FAM81A: variants seen among roughly 807,000 people sequenced by gnomAD.
The protein encoded by FAM81A is protein FAM81A.
FAM81A carries 19 observed loss-of-function variants against 46.7 expected under a neutral mutation model. That is an observed-to-expected ratio of 0.41 (90% confidence interval 0.28 to 0.60). FAM81A has a LOEUF of 0.60. Among genes scored for constraint, FAM81A ranks in the 20% least tolerant of loss-of-function variants. The pLI, the probability that FAM81A is intolerant of heterozygous loss-of-function variation, is 0.34. For missense variants in FAM81A, 377 were observed against 453.5 expected, an observed-to-expected ratio of 0.83 and a Z score of 1.53; for synonymous variants, 183 against 152.9, an observed-to-expected ratio of 1.20 and a Z score of -1.45.
At chr15:59,499,336 C>G (rs577090671) in intron 4 of FAM81A, among the ~76,000 whole-genome samples, 26 of 152,246 alleles carry the variant, frequency 1.7e-4, no homozygotes, top group African/African-American at 6.0e-4. Flanking sequence ...GTGCTATTAT[C>G]AAATACGTTA....
Position 59,460,332 on chromosome 15 carries a change from G to A in FAM81A, c.294+126G>A. 2 of 1,285,414 alleles carry A rather than the reference G, an allele frequency of 1.6e-6. No homozygotes were observed. The highest frequency in any genetic ancestry group is 2.3e-6 in the Non-Finnish European group (2 of 888,546). 79.6% of individuals were successfully genotyped at this position (1,285,414 alleles called of 1,614,324 possible). ...CATTTAGAACAAAGCTGTCTGTCTT[G>A]TCTATTCTTAATGATCGCCAAGGAG... On this transcript the variant is annotated intron_variant, in intron 3 of 8. Transcript: ENST00000288228. The surrounding 1 kb of genome is among the most constrained non-coding windows in gnomAD (Gnocchi z 4.4).
At chr15:59,477,778 C>T (rs1171354028) in intron 3 of FAM81A, among the ~76,000 whole-genome samples, 2 of 152,212 alleles carry the variant, frequency 1.3e-5, no homozygotes, top group Non-Finnish European at 2.9e-5. Context: ...AGTGTCAAAA[C>T]AGATGACTCT....
intron 1 of FAM81A, chr15:59,401,739 C>T: frequency 1.3e-6 from 1 of 772,446 alleles, no homozygotes; most frequent in South Asian, 1.3e-5. Context: ...AGCAGATAGG[C>T]AGGTACTGCT....
chr15:59,435,828 T>C (rs534553422), upstream of FAM81A, among the ~76,000 whole-genome samples: 4 of 152,308 alleles, frequency 2.6e-5, no homozygotes, highest in African/African-American at 9.6e-5. Context: ...CAAGAAAATC[T>C]CCATCTCCTG....
chr15:59,398,333 T>C (rs915525088), intron 1 of FAM81A, among the ~76,000 whole-genome samples: 5 of 152,198 alleles, frequency 3.3e-5, no homozygotes, highest in Admixed American at 2.6e-4. Context: ...CTGTGTAAAT[T>C]TGGATTAGGT....
At chr15:59,437,654 G>C (rs1378277314), upstream of FAM81A, among the ~76,000 whole-genome samples, 1 of 152,174 alleles carries the variant, frequency 6.6e-6, no homozygotes, top group Non-Finnish European at 1.5e-5. Flanking sequence ...ACCTGCACAG[G>C]TGGGGCGTCA....
In FAM81A at chr15:59,443,105, T is replaced by C. The variant is rs2081318108; in HGVS notation, c.-78+4823T>C. On this transcript the variant is annotated intron_variant, in intron 1 of 8. Coordinates refer to ENST00000288228, the MANE Select transcript of FAM81A (RefSeq NM_152450.3). ...TTATTGTTTTATTTTGTTTTTGAAATGGAGTCTTGCTCGGTTGCCCAGGGC... is the reference window on the plus strand; with the variant it reads ...TTATTGTTTTATTTTGTTTTTGAAACGGAGTCTTGCTCGGTTGCCCAGGGC... 2.0e-5 allele frequency among the ~76,000 whole-genome samples: 3 copies of C among 152,210 alleles called. No individual in the cohort carries two copies. In the South Asian group the frequency reaches 6.2e-4, roughly 32 times the overall value.
In FAM81A at chr15:59,504,719, T is replaced by C. The variant is rs2082131058; in HGVS notation, c.414-2494T>C. On this transcript the variant is annotated intron_variant, in intron 4 of 8. Transcript: ENST00000288228. ...TGCATGTTAGAAAAAGTCTTTATTT[T>C]GTACTTATTCTTGGATGATAGGTTA... Among the ~76,000 whole-genome samples the C allele has an allele frequency of 2.0e-5, 3 of 152,216 alleles. No individual in the cohort carries two copies. The South Asian group carries it at 6.2e-4, about 31-fold the overall frequency.
At chr15:59,501,885 C>T (rs1348989126) in intron 4 of FAM81A, among the ~76,000 whole-genome samples, 1 of 152,040 alleles carries the variant, frequency 6.6e-6, no homozygotes, top group African/African-American at 2.4e-5. Flanking sequence ...GAGCCATATG[C>T]GCAGTTATAT....
chr15:59,482,938 T>C (rs1234701451), intron 3 of FAM81A, among the ~76,000 whole-genome samples: 2 of 152,190 alleles, frequency 1.3e-5, no homozygotes, highest in Non-Finnish European at 2.9e-5. Context: ...TCACAGGTGA[T>C]TGTAACTAGT....
intron 4 of FAM81A, among the ~76,000 whole-genome samples, chr15:59,506,098 C>T (rs2082146011): frequency 6.6e-6 from 1 of 152,096 alleles, no homozygotes; most frequent in Non-Finnish European, 1.5e-5. Flanking sequence ...CTGACTTTCT[C>T]CCTCAGTCCA....
At chr15:59,415,023 A>C (rs1290117592) in intron 2 of FAM81A, among the ~76,000 whole-genome samples, 3 of 151,536 alleles carry the variant, frequency 2.0e-5, no homozygotes, top group African/African-American at 7.3e-5. Context: ...TCACTGTATT[A>C]GCCAGGATGG....
intron 1 of FAM81A, among the ~76,000 whole-genome samples, chr15:59,449,796 A>C (rs1428744624): frequency 1.3e-5 from 2 of 150,666 alleles, no homozygotes; most frequent in African/African-American, 2.4e-5. Context: ...AAAAAAAAAA[A>C]AAAAAAAAAA....
intron 1 of FAM81A, among the ~76,000 whole-genome samples, chr15:59,455,227 C>A (rs2141626668): frequency 6.6e-6 from 1 of 152,172 alleles, no homozygotes; most frequent in South Asian, 2.1e-4. Context: ...TCTTTCCATT[C>A]TTTTCTTCTT....
chr15:59,498,802 C>T (rs2082060673), intron 4 of FAM81A, among the ~76,000 whole-genome samples: 1 of 152,190 alleles, frequency 6.6e-6, no homozygotes, highest in East Asian at 1.9e-4. Context: ...TTACAGGTGC[C>T]TGCCACCATG....
chr15:59,447,558 T>C (rs918108842), intron 1 of FAM81A, among the ~76,000 whole-genome samples: 5 of 152,236 alleles, frequency 3.3e-5, no homozygotes, highest in Non-Finnish European at 7.3e-5. Context: ...ACTTCCTCAA[T>C]TGGGACAGTG....
chr15:59,472,492 CTT>C (rs1216752852), intron 3 of FAM81A, among the ~76,000 whole-genome samples: 3 of 152,014 alleles, frequency 2.0e-5, no homozygotes, highest in African/African-American at 4.8e-5. Flanking sequence ...AGGAAATACT[CTT>C]TGTGTCTTCT....
intron 2 of FAM81A, among the ~76,000 whole-genome samples, chr15:59,421,959 T>G (rs1264964749): frequency 6.6e-6 from 1 of 152,120 alleles, no homozygotes. Flanking sequence ...TAATTTGATA[T>G]TTTTGACCAG....
Position 59,521,678 on chromosome 15 carries a change from T to C in FAM81A, c.*300T>C. On this transcript the variant is annotated 3_prime_UTR_variant, in exon 9 of 9. Coordinates refer to ENST00000288228, the MANE Select transcript of FAM81A (RefSeq NM_152450.3). ...TTTACGAATGGAAAGACGACAATTT[T>C]TCTTCAATGCTTGATGCACTAATGA... The C allele has an allele frequency of 4.3e-6, 1 of 229,980 alleles. No individual in the cohort carries two copies. The highest frequency in any genetic ancestry group is 9.4e-5 in the East Asian group (1 of 10,600). 14.2% of individuals were successfully genotyped at this position (229,980 alleles called of 1,614,324 possible).
Sources: gnomAD v4.1 joint callset for allele counts (sites outside exome capture counted in the v4.1 genomes callset) on GRCh38, gnomAD v4.1.1 for gene constraint, Gnocchi (gnomAD v3.1) non-coding constraint, MANE v1.5 for transcripts, NCBI Gene and HGNC (gene_info 2026-07-23, HGNC 2026-07-21) for gene names.